The following CATSPER2 variants were observed in gnomAD, a reference collection of about 807,000 sequenced individuals.
CATSPER2 encodes the protein cation channel sperm associated 2.
In CATSPER2, 56 loss-of-function variants were observed where a neutral mutation model predicts 68.8. That is an observed-to-expected ratio of 0.81 (90% CI 0.66 to 1.02). CATSPER2 has a LOEUF of 1.02. Among genes scored for constraint, CATSPER2 ranks in the 50% least tolerant of loss-of-function variants. The pLI is 0.00. For synonymous variants in CATSPER2, 198 were observed against 229.9 expected (o/e 0.86, Z 1.26); for missense variants, 582 against 642.0 (o/e 0.91, Z 1.01).
chr15:43,644,161 A>G (rs1391442440), intron 4 of CATSPER2, among the ~76,000 whole-genome samples: 1 of 152,028 alleles, frequency 6.6e-6, no homozygotes, highest in African/African-American at 2.4e-5. Flanking sequence ...TTGTGGAAGC[A>G]GATTTTTTTA....
rs924415393 is a variant in CATSPER2 at position 43,639,893 on chromosome 15, G to A, written c.562-95C>T. On this transcript the variant is annotated intron_variant, in intron 5 of 12. Transcript: ENST00000396879. ...TCTTATCCTCTTCATTGTTCCCTGG[G>A]CGTTATCCCTTGAATAGCATTCTCT... 18 of 1,604,268 alleles carry A rather than the reference G, an allele frequency of 1.1e-5. No individual in the cohort carries two copies. The African/African-American group carries it at 2.4e-4, about 22-fold the overall frequency.
chr15:43,641,208 C>T (rs546445671), intron 4 of CATSPER2, among the ~76,000 whole-genome samples: 23 of 151,530 alleles, frequency 1.5e-4, no homozygotes, highest in African/African-American at 5.1e-4. Flanking sequence ...CCTCCACCTC[C>T]GGGGTTCAAG....
In CATSPER2 at chr15:43,647,277, G is replaced by T; in HGVS notation, c.319+17C>A. The T allele has an allele frequency of 6.2e-7, 1 of 1,602,632 alleles. No individual in the cohort carries two copies. The highest frequency in any genetic ancestry group is 1.1e-5 in the South Asian group (1 of 90,808). On this transcript the variant is annotated intron_variant, in intron 3 of 12. Transcript: ENST00000396879. Reference sequence around the variant, plus strand: ...TGATCAACAGCCAGGATAAAAATGAGTGACATGAAAGGATACACTCAAGGA... The same window carrying T: ...TGATCAACAGCCAGGATAAAAATGATTGACATGAAAGGATACACTCAAGGA...
At chr15:43,646,539 G>T (rs2086167586) in intron 4 of CATSPER2, among the ~76,000 whole-genome samples, 2 of 151,520 alleles carry the variant, frequency 1.3e-5, no homozygotes, top group African/African-American at 2.4e-5. Flanking sequence ...GAGATTACAG[G>T]TGTGAGCTAC....
chr15:43,632,605 C>T (rs1318837507), intron 11 of CATSPER2, 112 bp downstream of exon 11: 5 of 1,586,016 alleles, frequency 3.2e-6, no homozygotes, highest in African/African-American at 1.4e-5. Context: ...TAATTAAGAC[C>T]AGAAAATTGG....
At chr15:43,648,145 C>T (rs1034334068) in intron 1 of CATSPER2, 82 bp from the exon 2 acceptor site, 17 of 1,508,006 alleles carry the variant, frequency 1.1e-5, no homozygotes, top group Non-Finnish European at 1.6e-5. Flanking sequence ...CCCCTCCTCC[C>T]CACCCTCTTT....
At chr15:43,648,526 A>C in intron 1 of CATSPER2, 103 bp downstream of exon 1, 1 of 1,175,200 alleles carries the variant, frequency 8.5e-7, no homozygotes, top group Non-Finnish European at 1.1e-6. Context: ...CAAAATGCCA[A>C]AGCCTGACAT....
intron 12 of CATSPER2, among the ~76,000 whole-genome samples, chr15:43,631,068 T>G (rs1239940150): frequency 6.6e-6 from 1 of 151,934 alleles, no homozygotes; most frequent in Admixed American, 6.6e-5. Context: ...AAATTCCATG[T>G]TCCAATATTA....
chr15:43,647,302 A>G lies in CATSPER2; in HGVS notation c.311T>C (p.Val104Ala), dbSNP rs1567134066. Residue 104 changes from valine (V) to alanine (A), a missense_variant, in exon 3 of 13, where the codon GTC becomes GCC. Val to Ala is a moderately conservative substitution (Grantham distance 64, BLOSUM62 0). This residue lies in a region of CATSPER2 where 197 missense variants were observed against 191.0 expected (regional missense o/e 1.03). Transcript: ENST00000396879. The part of the protein sequence containing the change: ...RPPLSLWAGW[V>A]LECPLFKNFI... Reference sequence around the variant, plus strand: ...GTGACATGAAAGGATACACTCAAGGACCCATCCGGCCCACAAAGAAAGAGG... The same window carrying G: ...GTGACATGAAAGGATACACTCAAGGGCCCATCCGGCCCACAAAGAAAGAGG... The G allele has an allele frequency of 6.2e-6, 10 of 1,608,824 alleles. No homozygotes were observed.
At chr15:43,639,269 G>T (rs1379629879) in intron 6 of CATSPER2, among the ~76,000 whole-genome samples, 2 of 150,318 alleles carry the variant, frequency 1.3e-5, no homozygotes, top group African/African-American at 2.4e-5. Flanking sequence ...TTTTTAGACG[G>T]AGTTTCACTC....
At chr15:43,648,854 G>A, upstream of CATSPER2, 1 of 1,521,548 alleles carries the variant, frequency 6.6e-7, no homozygotes, top group Non-Finnish European at 8.8e-7. Flanking sequence ...CGCTCGCCCA[G>A]CCACTCGCCG....
rs1235196525 is a variant in CATSPER2 at position 43,640,123 on chromosome 15, T to C, written c.561+201A>G. 2.8e-5 allele frequency: 40 copies of C among 1,445,318 alleles called. No homozygotes were observed. The Middle Eastern group carries it at 7.4e-4, about 27-fold the overall frequency. 89.5% of individuals were successfully genotyped at this position (1,445,318 alleles called of 1,614,324 possible). On this transcript the variant is annotated intron_variant, in intron 5 of 12. Coordinates refer to ENST00000396879, the MANE Select transcript of CATSPER2 (RefSeq NM_172095.4). Reference sequence around the variant, plus strand: ...TAACCGGCAGATGCTCTTGTTGGCATTGATGTTGTAGTTAGTCTACTTTGC... The same window carrying C: ...TAACCGGCAGATGCTCTTGTTGGCACTGATGTTGTAGTTAGTCTACTTTGC...
In CATSPER2 at chr15:43,629,345, C is replaced by G. The variant is rs2085843880; in HGVS notation, c.*1356G>C. The G allele has an allele frequency of 8.3e-6, 1 of 121,178 alleles. No individual in the cohort carries two copies. Among genetic ancestry groups the G allele is most frequent in the Admixed American group, 8.7e-5 (1 of 11,486 alleles). The allele number at this position is 121,178 out of a possible 1,614,324, so 7.5% of individuals were successfully genotyped here. ...TTTTTAACCTGAGTTAGAACCTTAG[C>G]TCTACCTCTTACTTGGTATGTGCTC... On this transcript the variant is annotated 3_prime_UTR_variant, in exon 13 of 13. Coordinates refer to ENST00000396879, the MANE Select transcript of CATSPER2 (RefSeq NM_172095.4).
intron 9 of CATSPER2, 93 bp from the exon 10 acceptor site, chr15:43,635,509 C>A: frequency 3.6e-6 from 5 of 1,380,920 alleles, no homozygotes; most frequent in Non-Finnish European, 5.1e-6. Flanking sequence ...GTGAAGAAAA[C>A]TAATTGGGGA....
intron 12 of CATSPER2, 24 bp from the exon 13 acceptor site, chr15:43,630,756 G>A: frequency 1.2e-6 from 2 of 1,612,034 alleles, no homozygotes; most frequent in Non-Finnish European, 1.7e-6. Flanking sequence ...AGATTGTGAG[G>A]CTGGAGAGCT....
chr15:43,647,007 G>C (rs751478084), intron 4 of CATSPER2, 43 bp downstream of exon 4: 2 of 1,531,712 alleles, frequency 1.3e-6, no homozygotes, highest in African/African-American at 2.7e-5. Context: ...GTGAGCCGGC[G>C]TGCCCGGCCT....
At chr15:43,634,279 T>C (rs914666744) in intron 10 of CATSPER2, 2 of 151,612 alleles carry the variant, frequency 1.3e-5, no homozygotes, top group African/African-American at 2.4e-5. Context: ...TGCAGAGCAG[T>C]GGCACAATCA....
At position 43,638,810 on chromosome 15, in the gene CATSPER2, G is replaced by T. The variant is rs1028858192; in HGVS notation, c.842+94C>A. ...TGTTCTATTTCAGTTTCTTGGAATA[G>T]ACTGCACTTTTTATATTACTATACT... On this transcript the variant is annotated intron_variant, in intron 7 of 12. Transcript: ENST00000396879. 6.2e-6 allele frequency: 9 copies of T among 1,442,758 alleles called. No homozygotes were observed. In the Admixed American group the frequency reaches 1.4e-4, roughly 22 times the overall value. The allele number at this position is 1,442,758 out of a possible 1,614,324, so 89.4% of individuals were successfully genotyped here. A position where few individuals can be genotyped will look rare whatever the true frequency, so the allele number is the denominator to read the frequency against.
At chr15:43,641,416 A>G (rs1363150092) in intron 4 of CATSPER2, among the ~76,000 whole-genome samples, 1 of 150,738 alleles carries the variant, frequency 6.6e-6, no homozygotes, top group Non-Finnish European at 1.5e-5. Flanking sequence ...CCTGGCCGAA[A>G]CCTATTATTT....
Sources: gnomAD v4.1 joint callset for allele counts (sites outside exome capture counted in the v4.1 genomes callset) on GRCh38, gnomAD v4.1.1 for gene constraint, gnomAD v4.1.1 regional missense constraint, MANE v1.5 for transcripts, NCBI Gene and HGNC (gene_info 2026-07-23, HGNC 2026-07-21) for gene names.